Variants in ATP13A2 observed in about 807,000 individuals in gnomAD.
ATP13A2 encodes ATPase cation transporting 13A2.
In ATP13A2, 83 loss-of-function variants were observed where a neutral mutation model predicts 138.3. That is an observed-to-expected ratio of 0.60 (90% CI 0.50 to 0.72). The LOEUF (loss-of-function observed/expected upper bound fraction) is 0.72, where lower values mean the gene tolerates loss of function less well. ATP13A2 is among the 30% of genes least tolerant of loss of function. The pLI is 0.00. For synonymous variants in ATP13A2, 663 were observed against 699.0 expected (o/e 0.95, Z 0.81); for missense variants, 1,402 against 1,606.4 (o/e 0.87, Z 2.17).
Position 17,008,038 on chromosome 1 carries a change from T to TTTCA in ATP13A2, c.11-2264_11-2261dup, listed in dbSNP as rs371509356. On this transcript the variant is annotated intron_variant, in intron 1 of 28. Transcript: ENST00000326735. ...CCAGGTAACCTCGGTTGTGATGTCC[T>TTTCA]TTCATTCATTCATTCATTCATTTAT... 7.3e-3 allele frequency among the ~76,000 whole-genome samples: 1,112 copies of TTTCA among 152,060 alleles called. 11 individuals are homozygous for TTTCA. Among genetic ancestry groups the TTTCA allele is most frequent in the African/African-American group, 0.024 (1,007 of 41,446 alleles).
intron 11 of ATP13A2, among the ~76,000 whole-genome samples, chr1:16,999,003 A>G (rs553400854): frequency 4.2e-4 from 64 of 152,092 alleles, no homozygotes; most frequent in Non-Finnish European, 8.5e-4. Flanking sequence ...TGGGGACCGC[A>G]GTCTCTCACT....
chr1:17,003,295 T>C (rs2077428524), intron 6 of ATP13A2, among the ~76,000 whole-genome samples: 1 of 152,116 alleles, frequency 6.6e-6, no homozygotes, highest in Non-Finnish European at 1.5e-5. Flanking sequence ...CGGTGGCTCA[T>C]GCCTGTAATT....
chr1:17,004,854 C>G lies in ATP13A2; in HGVS notation c.348-33G>C, dbSNP rs1234297835. ...AGCAGGTGAGGGTTACTCTCGAGCT[C>G]TGGGAGCTGCCCTGGCACCTCCCTG... On this transcript the variant is annotated intron_variant, in intron 4 of 28. Transcript: ENST00000326735. This position sits in a 1 kb window ranked among gnomAD's most constrained non-coding sequence, Gnocchi z 4.1. The G allele has an allele frequency of 1.9e-6, 3 of 1,613,502 alleles. No homozygotes were observed. Among genetic ancestry groups the G allele is most frequent in the Non-Finnish European group, 2.5e-6 (3 of 1,180,026 alleles).
chr1:16,988,347 T>C lies in ATP13A2; in HGVS notation c.2737A>G (p.Ile913Val). The change falls in exon 24 of 29, where the codon ATT (isoleucine) becomes GTT (valine). Residue 913 changes from isoleucine (I) to valine (V), a missense_variant. Ile to Val is a conservative substitution (Grantham distance 29). Coordinates refer to ENST00000326735, the MANE Select transcript of ATP13A2 (RefSeq NM_022089.4). ...CTGATGACCATGGGCACGCACTCAA[T>C]ACTGGCCATGCTCGAGGTGAAGGGT... Reference protein sequence around the residue: ...VSPFTSSMASIECVPMVIREG... With the variant: ...VSPFTSSMASVECVPMVIREG... 1.2e-6 allele frequency: 2 copies of C among 1,614,152 alleles called. No homozygotes were observed. Among genetic ancestry groups the C allele is most frequent in the Non-Finnish European group, 1.7e-6 (2 of 1,180,036 alleles).
Position 16,991,822 on chromosome 1 carries a change from C to G in ATP13A2, c.2163G>C (p.Leu721=). The change falls in exon 20 of 29, where the codon CTG becomes CTC. Residue 721 remains leucine, a synonymous_variant. Transcript: ENST00000326735. ...TVEGDLSLLG[L]LVMRNLLKPQ... is the part of the protein sequence containing the mutation. ...GCTTCAGTAGGTTCCTCATGACCAG[C>G]AGCCCCAGGAGGCTCAGGTCTCCTT... is the stretch of plus-strand genomic sequence containing the variant. The G allele has an allele frequency of 6.2e-7, 1 of 1,614,146 alleles. No homozygotes were observed. Among genetic ancestry groups the G allele is most frequent in the Non-Finnish European group, 8.5e-7 (1 of 1,180,036 alleles).
chr1:16,992,549 T>A lies in ATP13A2; in HGVS notation c.1782A>T (p.Ala594=), dbSNP rs776814665. 4 of 1,614,144 alleles carry A rather than the reference T, an allele frequency of 2.5e-6. No individual in the cohort carries two copies. The highest frequency in any genetic ancestry group is 3.4e-6 in the Non-Finnish European group (4 of 1,180,014). Reference sequence around the variant, plus strand: ...TCACTGCCAAGACCTGGGTCCCAAATGCTGAGTCTGCAGCCGGCTCTTCCT... The same window carrying A: ...TCACTGCCAAGACCTGGGTCCCAAAAGCTGAGTCTGCAGCCGGCTCTTCCT... The part of the protein sequence containing the change: ...VLEEEPAADS[A]FGTQVLAVMR... The change falls in exon 17 of 29, where the codon GCA becomes GCT. Residue 594 remains alanine, a synonymous_variant. Coordinates refer to ENST00000326735, the MANE Select transcript of ATP13A2 (RefSeq NM_022089.4).
Position 16,989,882 on chromosome 1 carries a change from C to T in ATP13A2, c.2529+5G>A, listed in dbSNP as rs760318841. 1.2e-6 allele frequency: 2 copies of T among 1,606,416 alleles called. No homozygotes were observed. Among genetic ancestry groups the T allele is most frequent in the East Asian group, 4.5e-5 (2 of 44,588 alleles). On this transcript the variant is annotated splice_donor_5th_base_variant and intron_variant, in intron 22 of 28. Coordinates refer to ENST00000326735, the MANE Select transcript of ATP13A2 (RefSeq NM_022089.4). ...GGGCGGCCAGGGAGCTGGGGGCGGC[C>T]CTACCTTGGGCAGCAGCTTGGGGAA... is the stretch of plus-strand genomic sequence containing the variant.
At chr1:16,996,555 A>G in intron 12 of ATP13A2, 59 bp from the exon 13 acceptor site, 1 of 1,371,320 alleles carries the variant, frequency 7.3e-7, no homozygotes, top group East Asian at 2.3e-5. Flanking sequence ...GGCCTTCCCC[A>G]CCCCTAGCCC....
rs985962044 is a variant in ATP13A2 at position 16,995,198 on chromosome 1, T to C, written c.1542+778A>G. On this transcript the variant is annotated intron_variant, in intron 15 of 28. Coordinates refer to ENST00000326735, the MANE Select transcript of ATP13A2 (RefSeq NM_022089.4). The surrounding 1 kb of genome is among the most constrained non-coding windows in gnomAD (Gnocchi z 4.1). The stretch of plus-strand genomic sequence containing the variant: ...TCGACCTGCCCCTCACTGAGGTCAC[T>C]GAGGGACCTGCTCAGGGGGCTTCCT... Among the ~76,000 whole-genome samples, 1 of 152,210 alleles carries C rather than the reference T, an allele frequency of 6.6e-6. No individual in the cohort carries two copies. The highest frequency in any genetic ancestry group is 1.5e-5 in the Non-Finnish European group (1 of 68,040).
chr1:17,004,917 C>A lies in ATP13A2; in HGVS notation c.348-96G>T, dbSNP rs953094711. Reference sequence around the variant, plus strand: ...CATCTTCCCTCCCTAGGATGGGAGGCGCCAGAGTCAGCCTTTATGGGGGGG... The same window carrying A: ...CATCTTCCCTCCCTAGGATGGGAGGAGCCAGAGTCAGCCTTTATGGGGGGG... On this transcript the variant is annotated intron_variant, in intron 4 of 28. Transcript: ENST00000326735. The surrounding 1 kb of genome is among the most constrained non-coding windows in gnomAD (Gnocchi z 4.1). The A allele has an allele frequency of 6.2e-7, 1 of 1,611,130 alleles. No homozygotes were observed. Among genetic ancestry groups the A allele is most frequent in the East Asian group, 2.2e-5 (1 of 44,846 alleles).
At chr1:16,987,690 C>T (rs544669535) in intron 25 of ATP13A2, among the ~76,000 whole-genome samples, 8 of 152,288 alleles carry the variant, frequency 5.3e-5, no homozygotes, top group South Asian at 2.1e-4. Flanking sequence ...TCACCTCATT[C>T]GCTGGGGGTG....
chr1:16,988,338 C>T lies in ATP13A2; in HGVS notation c.2746G>A (p.Val916Met), dbSNP rs768674400. Residue 916 changes from valine to methionine, a missense_variant, in exon 24 of 29, where the codon GTG becomes ATG. Val to Met is a conservative substitution (Grantham distance 21, BLOSUM62 1). Transcript: ENST00000326735. The stretch of plus-strand genomic sequence containing the variant: ...CTGCCTTACCTGATGACCATGGGCA[C>T]GCACTCAATACTGGCCATGCTCGAG... ...FTSSMASIEC[V>M]PMVIREGRCS... 1.0e-4 allele frequency: 166 copies of T among 1,614,174 alleles called. 1 individual carries two copies. The highest frequency in any genetic ancestry group is 2.4e-4 in the South Asian group (22 of 91,090).
chr1:17,007,099 A>G (rs1202136015), intron 1 of ATP13A2, among the ~76,000 whole-genome samples: 2 of 152,086 alleles, frequency 1.3e-5, no homozygotes, highest in Non-Finnish European at 2.9e-5. Flanking sequence ...GGGTGGTCTC[A>G]AACTGCCGAC....
At chr1:17,005,594 G>C (rs200817694) in intron 2 of ATP13A2, 38 bp from the exon 3 acceptor site, 123 of 1,614,040 alleles carry the variant, frequency 7.6e-5, no homozygotes, top group Non-Finnish European at 7.3e-5. Context: ...GTCGGGGTGG[G>C]AACGGGGCTG....
intron 12 of ATP13A2, chr1:16,996,792 G>A (rs1406971754): frequency 5.8e-5 from 38 of 655,118 alleles, no homozygotes; most frequent in South Asian, 2.4e-4. Context: ...CTGTAACCCC[G>A]GCGGCTCCTC....
chr1:17,005,885 A>G, intron 1 of ATP13A2, 107 bp from the exon 2 acceptor site: 2 of 1,107,390 alleles, frequency 1.8e-6, no homozygotes, highest in East Asian at 2.6e-5. Context: ...CTGTAATCCC[A>G]GCACTTTGGG....
rs773707532 is a variant in ATP13A2 at position 17,011,219 on chromosome 1, G to C, written c.10+510C>G. Among the ~76,000 whole-genome samples, 2 of 152,146 alleles carry C rather than the reference G, an allele frequency of 1.3e-5. No individual in the cohort carries two copies. The highest frequency in any genetic ancestry group is 2.9e-5 in the Non-Finnish European group (2 of 68,012). On this transcript the variant is annotated intron_variant, in intron 1 of 28. Coordinates refer to ENST00000326735, the MANE Select transcript of ATP13A2 (RefSeq NM_022089.4). This position sits in a 1 kb window ranked among gnomAD's most constrained non-coding sequence, Gnocchi z 7.3. ...GTGTGACGGGTTTTCTCTGGGGTCT[G>C]AGGCAGGAGGTCAGGAGTGGCGCTG...
Position 17,005,543 on chromosome 1 carries a change from T to C in ATP13A2, c.119A>G (p.Tyr40Cys). Residue 40 changes from tyrosine (Y) to cysteine (C), a missense_variant, in exon 3 of 29, where the codon TAC (tyrosine) becomes TGC (cysteine). Tyr to Cys is a radical substitution (Grantham distance 194). Transcript: ENST00000326735. ...SSVSSVRLSGYCGSPWRVIGY... is the reference protein window; with the variant it reads ...SSVSSVRLSGCCGSPWRVIGY... ...GATGACCCTCCATGGACTGCCACAGTAGCCGCTGAGCCTCTGCGAACGCAG... is the reference window on the plus strand; with the variant it reads ...GATGACCCTCCATGGACTGCCACAGCAGCCGCTGAGCCTCTGCGAACGCAG... 1 of 1,614,230 alleles carries C rather than the reference T, an allele frequency of 6.2e-7. No individual in the cohort carries two copies. Among genetic ancestry groups the C allele is most frequent in the Non-Finnish European group, 8.5e-7 (1 of 1,180,044 alleles).
rs534722089 is a variant in ATP13A2 at position 17,006,772 on chromosome 1, G to A, written c.11-994C>T. Among the ~76,000 whole-genome samples the A allele has an allele frequency of 2.0e-5, 3 of 152,272 alleles. No homozygotes were observed. In the South Asian group the frequency reaches 6.2e-4, roughly 32 times the overall value. ...TCATTCCATGCCCGTGCCCAGCCCA[G>A]GTCTGGCAGTGAGGAGATGCAAAGT... On this transcript the variant is annotated intron_variant, in intron 1 of 28. Coordinates refer to ENST00000326735, the MANE Select transcript of ATP13A2 (RefSeq NM_022089.4).
Sources: gnomAD v4.1 joint callset for allele counts (sites outside exome capture counted in the v4.1 genomes callset) on GRCh38, gnomAD v4.1.1 for gene constraint, Gnocchi (gnomAD v3.1) non-coding constraint, MANE v1.5 for transcripts, NCBI Gene and HGNC (gene_info 2026-07-23, HGNC 2026-07-21) for gene names.